SIGIRR: variants seen among roughly 807,000 people sequenced by gnomAD.
SIGIRR encodes single Ig IL-1-related receptor.
In SIGIRR, 41 loss-of-function variants were observed where a neutral mutation model predicts 45.6. The observed-to-expected ratio is 0.90, with a 90% CI of 0.70 to 1.17. The LOEUF is 1.17. SIGIRR is among the 50% of genes most tolerant of loss of function. The pLI, the probability that SIGIRR is intolerant of heterozygous loss-of-function variation, is 0.00. For missense variants in SIGIRR, 599 were observed against 539.6 expected (o/e 1.11, Z -1.09); for synonymous variants, 298 against 239.0 (o/e 1.25, Z -2.28).
chr11:415,951 G>A (rs1295031807), upstream of SIGIRR, among the ~76,000 whole-genome samples: 1 of 152,288 alleles, frequency 6.6e-6, no homozygotes, highest in African/African-American at 2.4e-5. This position sits in a 1 kb window ranked among gnomAD's most constrained non-coding sequence, Gnocchi z 6.6. Context: ...GGCCCTGGCT[G>A]AGCACCCTCT....
At position 414,951 on chromosome 11, in the gene SIGIRR, C is replaced by T. The variant is rs367977893; in HGVS notation, c.-282G>A. ...AGGCTGCTATGGATGCATCGCCAAG[C>T]GCGGTGGGGACCTGGCTTGTGTCTT... On this transcript the variant is annotated 5_prime_UTR_variant, in exon 1 of 10. Coordinates refer to ENST00000431843, the MANE Select transcript of SIGIRR (RefSeq NM_001135054.2). 6.9e-5 allele frequency: 60 copies of T among 873,730 alleles called. No homozygotes were observed. In the East Asian group the frequency reaches 4.8e-3, roughly 70 times the overall value. The allele number at this position is 873,730 out of a possible 1,614,324, so 54.1% of individuals were successfully genotyped here.
chr11:407,426 A>C lies in SIGIRR; in HGVS notation c.624T>G (p.Ala208=). 1 of 1,544,806 alleles carries C rather than the reference A, an allele frequency of 6.5e-7. No individual in the cohort carries two copies. Among genetic ancestry groups the C allele is most frequent in the Non-Finnish European group, 8.7e-7 (1 of 1,144,436 alleles). The part of the protein sequence containing the change: ...FLDDRDLLPR[A]EPSADLLVNL... ...GGCACGGGGTGGGGCCCGGGATACC[A>C]GCGCGCGGCAGGAGGTCGCGGTCGT... Residue 208 remains alanine (A), a splice_region_variant and synonymous_variant, in exon 6 of 10, where the codon GCT becomes GCG. Transcript: ENST00000431843.
intron 8 of SIGIRR, 108 bp from the exon 9 acceptor site, chr11:406,646 A>G (rs1412761360): frequency 6.9e-7 from 1 of 1,441,430 alleles, no homozygotes; most frequent in Non-Finnish European, 9.1e-7. Flanking sequence ...ACGCCCTGCG[A>G]CAGCTATTCC....
chr11:408,498 G>A (rs906804546), intron 3 of SIGIRR, among the ~76,000 whole-genome samples, 197 bp downstream of exon 3: 10 of 152,162 alleles, frequency 6.6e-5, no homozygotes, highest in African/African-American at 2.2e-4. Context: ...GGGCAGTTAC[G>A]AGGTGTGTGC....
At chr11:406,085 G>A in intron 9 of SIGIRR, 26 bp from the exon 10 acceptor site, 1 of 1,550,646 alleles carries the variant, frequency 6.4e-7, no homozygotes, top group African/African-American at 1.4e-5. Context: ...CGAGACGCCT[G>A]AGGTGGCCAC....
rs1300002801 is a variant in SIGIRR, at chr11:408,195, T to C, written c.218A>G (p.Asn73Ser). 8.1e-6 allele frequency: 13 copies of C among 1,612,486 alleles called. No homozygotes were observed. The highest frequency in any genetic ancestry group is 2.2e-5 in the East Asian group (1 of 44,898). The change falls in exon 4 of 10, where the codon AAC becomes AGC. Residue 73 changes from asparagine (N) to serine (S), a missense_variant. Asn to Ser is a conservative substitution (Grantham distance 46). Transcript: ENST00000431843. ...SLHEYSWVKA[N>S]LSEVLVSSVL... ...ACTGGACACAAGCACCTCTGACAGG[T>C]TGGCCTTGACCCTGGGGATACCAAG... is the stretch of plus-strand genomic sequence containing the variant.
chr11:408,941 C>T, intron 2 of SIGIRR, 48 bp from the exon 3 acceptor site: 1 of 1,553,930 alleles, frequency 6.4e-7, no homozygotes. Context: ...GTGCCTGGCC[C>T]CACCACCTCC....
At chr11:413,710 C>T (rs1336592346) in intron 1 of SIGIRR, among the ~76,000 whole-genome samples, 2 of 141,328 alleles carry the variant, frequency 1.4e-5, no homozygotes, top group African/African-American at 5.3e-5. Context: ...CCCTCCCCTG[C>T]ACCCTCTTCC....
chr11:408,998 GCAGTC>G lies in SIGIRR; in HGVS notation c.8-110_8-106del, dbSNP rs1847475500. ...AGAAATAAGGCCTCTGTGTGGCTTG[GCAGTC>G]ACACCATGTCTGTCCACGAGTCCCA... On this transcript the variant is annotated intron_variant, in intron 2 of 9. Transcript: ENST00000431843. 2.9e-6 allele frequency: 3 copies of G among 1,022,226 alleles called. No homozygotes were observed. In the Admixed American group the frequency reaches 5.5e-5, roughly 19 times the overall value. 63.3% of individuals were successfully genotyped at this position (1,022,226 alleles called of 1,614,324 possible).
intron 1 of SIGIRR, among the ~76,000 whole-genome samples, chr11:412,916 G>A (rs932536243): frequency 2.6e-5 from 4 of 152,118 alleles, no homozygotes; most frequent in South Asian, 2.1e-4. Flanking sequence ...TTCCCAGCCC[G>A]TAGCAGCAGC....
At position 405,769 on chromosome 11, in the gene SIGIRR, GCCTTT is replaced by G. The variant is rs1400533101; in HGVS notation, c.*122_*126del. The stretch of plus-strand genomic sequence containing the variant: ...CACTGGGAGGCGCCCTGAGGCCACA[GCCTTT>G]TCCCAGGGCTGCTGGCAGGGTCCCA... On this transcript the variant is annotated 3_prime_UTR_variant, in exon 10 of 10. Transcript: ENST00000431843. The G allele has an allele frequency of 2.4e-6, 3 of 1,227,522 alleles. No homozygotes were observed. In the African/African-American group the frequency reaches 4.6e-5, roughly 19 times the overall value. The allele number at this position is 1,227,522 out of a possible 1,614,324, so 76.0% of individuals were successfully genotyped here.
chr11:417,392 G>C (rs1302851327), upstream of SIGIRR: 1 of 152,084 alleles, frequency 6.6e-6, no homozygotes, highest in African/African-American at 2.4e-5. This position sits in a 1 kb window ranked among gnomAD's most constrained non-coding sequence, Gnocchi z 4.2. Context: ...GGTGCGCAGC[G>C]GCAACAGCCC....
chr11:415,912 C>T (rs893921843), upstream of SIGIRR, among the ~76,000 whole-genome samples: 4 of 152,166 alleles, frequency 2.6e-5, no homozygotes, highest in African/African-American at 7.2e-5. The surrounding 1 kb of genome is among the most constrained non-coding windows in gnomAD (Gnocchi z 6.6). Flanking sequence ...GGCAGGGCTT[C>T]ATTGTGGAGG....
intron 1 of SIGIRR, among the ~76,000 whole-genome samples, chr11:410,896 A>G (rs57227231): frequency 5.4e-5 from 2 of 37,060 alleles, no homozygotes; most frequent in African/African-American, 1.2e-4. Context: ...ATGTCTGGAT[A>G]CAGTCGGGGA....
intron 1 of SIGIRR, 90 bp from the exon 2 acceptor site, chr11:410,117 T>C (rs2133631814): frequency 4.3e-6 from 5 of 1,150,854 alleles, no homozygotes; most frequent in East Asian, 3.2e-5. Context: ...CCTGACCAGA[T>C]GCGACCCTGA....
intron 1 of SIGIRR, among the ~76,000 whole-genome samples, chr11:410,251 C>A (rs112582958): frequency 0.018 from 2,687 of 152,190 alleles, 88 homozygotes; most frequent in African/African-American, 0.061. Context: ...GCCATCAAGT[C>A]CAGGATCACC....
chr11:406,235 GC>G, intron 9 of SIGIRR, 113 bp downstream of exon 9: 1 of 1,541,980 alleles, frequency 6.5e-7, no homozygotes, highest in Non-Finnish European at 8.7e-7. Context: ...GGCTCCCGGT[GC>G]CGGGAAGAGT....
At chr11:415,438 G>C (rs540329641), upstream of SIGIRR, among the ~76,000 whole-genome samples, 10 of 152,230 alleles carry the variant, frequency 6.6e-5, no homozygotes, top group African/African-American at 2.2e-4. The surrounding 1 kb of genome is among the most constrained non-coding windows in gnomAD (Gnocchi z 6.6). Flanking sequence ...ACCGGGGACC[G>C]CGCGGCATGC....
At chr11:410,368 T>G (rs1291739661) in intron 1 of SIGIRR, among the ~76,000 whole-genome samples, 1 of 152,062 alleles carries the variant, frequency 6.6e-6, no homozygotes. Context: ...GGCTGTCCCC[T>G]TCAACAGAGC....
Sources: gnomAD v4.1 joint callset for allele counts (sites outside exome capture counted in the v4.1 genomes callset) on GRCh38, gnomAD v4.1.1 for gene constraint, Gnocchi (gnomAD v3.1) non-coding constraint, MANE v1.5 for transcripts, NCBI Gene and HGNC (gene_info 2026-07-23, HGNC 2026-07-21) for gene names.